The following TENM3 variants were observed in gnomAD, a reference collection of about 807,000 sequenced individuals.
TENM3 encodes the protein teneurin-3.
Under a neutral mutation model 255.1 loss-of-function variants are expected in TENM3, and 63 were observed. The ratio of observed to expected loss-of-function variants is 0.25; its 90% CI spans 0.20 to 0.30. The LOEUF is 0.30. Ranked by LOEUF, TENM3 falls within the 10% of genes least tolerant of loss-of-function variation. The pLI, the probability that TENM3 is intolerant of heterozygous loss-of-function variation, is 1.00. For synonymous variants in TENM3, 1,306 were observed against 1,322.3 expected (o/e 0.99, Z 0.27); for missense variants, 2,929 against 3,461.1 (o/e 0.85, Z 3.86).
chr4:182,268,255 C>G (rs914711929), intron 1 of TENM3, among the ~76,000 whole-genome samples: 1 of 152,154 alleles, frequency 6.6e-6, no homozygotes, highest in African/African-American at 2.4e-5. Flanking sequence ...TATTAATCTT[C>G]CAGTATCTCC....
intron 12 of TENM3, among the ~76,000 whole-genome samples, chr4:182,698,417 C>A (rs917258754): frequency 6.6e-6 from 1 of 152,116 alleles, no homozygotes; most frequent in Non-Finnish European, 1.5e-5. Flanking sequence ...GTGAGTCATA[C>A]GATGACGTCT....
chr4:182,325,467 A>G (rs1471708446), intron 2 of TENM3, among the ~76,000 whole-genome samples: 1 of 152,240 alleles, frequency 6.6e-6, no homozygotes, highest in Non-Finnish European at 1.5e-5. Flanking sequence ...ATCAAATTTT[A>G]TGAAAAGGGA....
chr4:181,447,987 T>G, the TENM3 span, among the ~76,000 whole-genome samples: 8 of 151,974 alleles, frequency 5.3e-5, no homozygotes, highest in African/African-American at 1.9e-4. Context: ...TTTGTGCGTG[T>G]AAGTGTGCAA....
At chr4:182,701,392 T>C (rs1012330445) in intron 12 of TENM3, among the ~76,000 whole-genome samples, 9 of 151,720 alleles carry the variant, frequency 5.9e-5, no homozygotes, top group Non-Finnish European at 1.5e-5. Context: ...GGCTAATTTT[T>C]TGTATTTTTA....
At chr4:182,725,636 C>CTTTTTTTTTTTTTTTTTT in intron 13 of TENM3, among the ~76,000 whole-genome samples, 1 of 133,672 alleles carries the variant, frequency 7.5e-6, no homozygotes, top group Non-Finnish European at 1.5e-5. Context: ...TCTTTTTTTT[C>CTTTTTTTTTTTTTTTTTT]TTTTTTTTTT....
At chr4:182,744,089 CTTTCT>C (rs1761814881) in intron 19 of TENM3, 2 of 471,890 alleles carry the variant, frequency 4.2e-6, no homozygotes, top group South Asian at 7.9e-5. Flanking sequence ...TCTAACTGTG[CTTTCT>C]TTTTTTTTTT....
chr4:182,394,490 A>G (rs2150996695), intron 3 of TENM3, among the ~76,000 whole-genome samples: 1 of 152,334 alleles, frequency 6.6e-6, no homozygotes, highest in East Asian at 1.9e-4. Context: ...CCAATGAATC[A>G]GGGTGGAACT....
the TENM3 span, among the ~76,000 whole-genome samples, chr4:182,136,887 T>C: frequency 6.6e-6 from 1 of 152,196 alleles, no homozygotes; most frequent in Admixed American, 6.5e-5. Flanking sequence ...TTTCAAAGTG[T>C]CAACTCAGAA....
intron 3 of TENM3, among the ~76,000 whole-genome samples, chr4:182,525,664 A>G (rs1316169512): frequency 6.6e-6 from 1 of 152,178 alleles, no homozygotes. Context: ...GTAGTAAGGA[A>G]TTTCTGTTGC....
chr4:182,734,061 AAAG>A (rs1376866973), intron 16 of TENM3, among the ~76,000 whole-genome samples: 5 of 152,214 alleles, frequency 3.3e-5, no homozygotes, highest in South Asian at 2.1e-4. Context: ...ACTAAGATAA[AAAG>A]AAGAAGACGT....
At chr4:181,730,075 C>T in the TENM3 span, among the ~76,000 whole-genome samples, 7 of 152,096 alleles carry the variant, frequency 4.6e-5, no homozygotes, top group African/African-American at 1.7e-4. Context: ...GGTTTTATGC[C>T]TCGCAGGGCT....
At chr4:181,492,125 A>C in the TENM3 span, among the ~76,000 whole-genome samples, 2 of 152,196 alleles carry the variant, frequency 1.3e-5, no homozygotes, top group Admixed American at 1.3e-4. Flanking sequence ...ACAGTCATCA[A>C]TAATATTCTT....
chr4:181,805,431 C>T, the TENM3 span, among the ~76,000 whole-genome samples: 3 of 152,092 alleles, frequency 2.0e-5, no homozygotes, highest in South Asian at 2.1e-4. Context: ...TCTCGCAGAG[C>T]CCCCATTCTT....
the TENM3 span, among the ~76,000 whole-genome samples, chr4:181,994,868 C>T: frequency 6.6e-6 from 1 of 152,134 alleles, no homozygotes; most frequent in Non-Finnish European, 1.5e-5. Context: ...ATAAGGCTTT[C>T]AGATACAATT....
the TENM3 span, chr4:182,084,820 T>C: frequency 6.6e-6 from 1 of 152,230 alleles, no homozygotes; most frequent in Non-Finnish European, 1.5e-5. Flanking sequence ...AAATCTTTCA[T>C]GTATAAATCA....
the TENM3 span, among the ~76,000 whole-genome samples, chr4:181,754,131 A>G: frequency 6.6e-6 from 1 of 152,220 alleles, no homozygotes; most frequent in Non-Finnish European, 1.5e-5. Context: ...TCCATCAAGT[A>G]ACTAGACTGG....
chr4:181,572,906 C>A, the TENM3 span, among the ~76,000 whole-genome samples: 2 of 152,176 alleles, frequency 1.3e-5, no homozygotes, highest in African/African-American at 2.4e-5. Context: ...CCCTTCCTAG[C>A]CCCTGGTAAC....
the TENM3 span, among the ~76,000 whole-genome samples, chr4:181,846,503 A>C: frequency 6.6e-6 from 1 of 152,140 alleles, no homozygotes; most frequent in Non-Finnish European, 1.5e-5. Context: ...ATTTTGTTTG[A>C]GTCATTTTGG....
chr4:181,854,703 C>A, the TENM3 span, among the ~76,000 whole-genome samples: 1 of 152,148 alleles, frequency 6.6e-6, no homozygotes, highest in Non-Finnish European at 1.5e-5. Flanking sequence ...AATTTTAGGT[C>A]AGTAGGGCCC....
Sources: allele counts gnomAD v4.1 joint callset (sites outside exome capture counted in the v4.1 genomes callset), GRCh38; gene constraint gnomAD v4.1.1; transcripts MANE v1.5; gene names NCBI Gene and HGNC (gene_info 2026-07-23, HGNC 2026-07-21).